MYLK4: variants seen among roughly 807,000 people sequenced by gnomAD.
MYLK4 encodes the protein myosin light chain kinase family member 4.
Under a neutral mutation model 48.1 loss-of-function variants are expected in MYLK4, and 46 were observed. The observed-to-expected ratio is 0.96, with a 90% CI of 0.75 to 1.22. The LOEUF is 1.22. MYLK4 is among the 50% of genes most tolerant of loss of function. The pLI is 0.00. For synonymous variants in MYLK4, 170 were observed against 180.8 expected (o/e 0.94, Z 0.48); for missense variants, 451 against 486.1 (o/e 0.93, Z 0.68).
chr6:2,701,572 G>A (rs1268598596), intron 2 of MYLK4, among the ~76,000 whole-genome samples: 1 of 152,196 alleles, frequency 6.6e-6, no homozygotes, highest in Non-Finnish European at 1.5e-5. Flanking sequence ...CCTCTGAAAA[G>A]CAAAGAGATA....
intron 2 of MYLK4, among the ~76,000 whole-genome samples, chr6:2,719,226 T>G (rs1182899748): frequency 6.6e-6 from 1 of 152,084 alleles, no homozygotes; most frequent in African/African-American, 2.4e-5. Context: ...GAAAAAACAC[T>G]CCCGTCAGCT....
chr6:2,717,943 G>T (rs554192227), intron 2 of MYLK4, among the ~76,000 whole-genome samples: 1 of 152,132 alleles, frequency 6.6e-6, no homozygotes. Flanking sequence ...CACTTTGGGC[G>T]GCCGAGGCAG....
intron 2 of MYLK4, among the ~76,000 whole-genome samples, chr6:2,693,852 G>A (rs527385118): frequency 6.6e-6 from 1 of 151,464 alleles, no homozygotes; most frequent in Non-Finnish European, 1.5e-5. Context: ...CCAACTCCCG[G>A]GTTCAGGCGA....
chr6:2,691,020 C>T (rs936761799), intron 3 of MYLK4, among the ~76,000 whole-genome samples: 2 of 151,944 alleles, frequency 1.3e-5, no homozygotes, highest in East Asian at 3.9e-4. Flanking sequence ...TAAATAGAGA[C>T]GGGGTTTCAC....
At chr6:2,746,117 A>AC (rs397763187) in intron 2 of MYLK4, among the ~76,000 whole-genome samples, 1 of 150,568 alleles carries the variant, frequency 6.6e-6, no homozygotes, top group African/African-American at 2.4e-5. Flanking sequence ...ATAAAAAAAA[A>AC]TGAGTCAGGC....
intron 11 of MYLK4, among the ~76,000 whole-genome samples, chr6:2,674,140 G>A (rs538852782): frequency 3.3e-5 from 5 of 152,258 alleles, no homozygotes; most frequent in African/African-American, 7.2e-5. Flanking sequence ...TGAGGAAGTC[G>A]GAATATAAAC....
At chr6:2,745,430 A>G (rs188379846) in intron 2 of MYLK4, among the ~76,000 whole-genome samples, 1 of 152,352 alleles carries the variant, frequency 6.6e-6, no homozygotes, top group Admixed American at 6.5e-5. Flanking sequence ...CATATGAGTC[A>G]GACCAATTTG....
intron 2 of MYLK4, among the ~76,000 whole-genome samples, chr6:2,739,517 T>C (rs563799513): frequency 6.6e-6 from 1 of 152,260 alleles, no homozygotes; most frequent in Admixed American, 6.5e-5. Context: ...TCCCATTCAC[T>C]ATGGAAACGC....
chr6:2,743,690 C>T (rs1763972625), intron 2 of MYLK4, among the ~76,000 whole-genome samples: 1 of 152,154 alleles, frequency 6.6e-6, no homozygotes, highest in South Asian at 2.1e-4. Context: ...CACAGGGAAT[C>T]CCTGCCCGTG....
chr6:2,755,894 CTG>C (rs1764419194), upstream of MYLK4, among the ~76,000 whole-genome samples: 2 of 152,200 alleles, frequency 1.3e-5, no homozygotes, highest in Admixed American at 6.5e-5. Context: ...AGAAGTGACA[CTG>C]TATCTTTTTC....
At chr6:2,749,064 G>T in intron 2 of MYLK4, 72 bp downstream of exon 2, 2 of 1,402,770 alleles carry the variant, frequency 1.4e-6, no homozygotes. Flanking sequence ...GTACTCACAA[G>T]CGGCTCCATG....
intron 2 of MYLK4, among the ~76,000 whole-genome samples, chr6:2,698,750 C>G (rs1207608870): frequency 6.6e-6 from 1 of 152,188 alleles, no homozygotes; most frequent in Non-Finnish European, 1.5e-5. Flanking sequence ...GAAGATACTT[C>G]TAGAGATTGT....
At chr6:2,765,502 G>C in the MYLK4 span, 5 of 1,238,126 alleles carry the variant, frequency 4.0e-6, no homozygotes, top group Middle Eastern at 3.1e-4. Context: ...GCCCGCGAGC[G>C]TCCTGCTGGT....
At chr6:2,677,036 G>A (rs1582028653) in intron 10 of MYLK4, among the ~76,000 whole-genome samples, 3 of 151,838 alleles carry the variant, frequency 2.0e-5, no homozygotes, top group African/African-American at 7.3e-5. Context: ...ACTAGCCAAG[G>A]TTATTATTAT....
the MYLK4 span, chr6:2,768,899 C>T: frequency 3.0e-5 from 48 of 1,594,766 alleles, no homozygotes; most frequent in Non-Finnish European, 4.0e-5. Flanking sequence ...TAACTTCCTT[C>T]TACCTTTTGG....
At chr6:2,763,403 G>A in the MYLK4 span, among the ~76,000 whole-genome samples, 2 of 152,234 alleles carry the variant, frequency 1.3e-5, no homozygotes, top group African/African-American at 2.4e-5. Context: ...GCTTCTCAGG[G>A]AGGCTTGGGC....
the MYLK4 span, chr6:2,766,211 G>T: frequency 1.8e-5 from 27 of 1,464,812 alleles, no homozygotes; most frequent in Non-Finnish European, 2.4e-5. Flanking sequence ...TGCCGAAGCC[G>T]CCACCGCCTT....
chr6:2,696,398 T>G (rs1582060090), intron 2 of MYLK4, among the ~76,000 whole-genome samples: 1 of 152,328 alleles, frequency 6.6e-6, no homozygotes, highest in South Asian at 2.1e-4. Context: ...GTGATGCTAT[T>G]AAAAGGTAGG....
chr6:2,764,545 A>G, the MYLK4 span, among the ~76,000 whole-genome samples: 2 of 140,990 alleles, frequency 1.4e-5, no homozygotes, highest in African/African-American at 2.7e-5. Context: ...ATGTTTTAAA[A>G]CGGGAGACTT....
Sources: allele counts gnomAD v4.1 joint callset (sites outside exome capture counted in the v4.1 genomes callset), GRCh38; gene constraint gnomAD v4.1.1; transcripts MANE v1.5; gene names NCBI Gene and HGNC (gene_info 2026-07-23, HGNC 2026-07-21).